Variants in SLC9A1 observed in about 807,000 individuals in gnomAD.
SLC9A1 encodes solute carrier family 9 member A1, also known as sodium/hydrogen exchanger 1.
SLC9A1 carries 22 observed loss-of-function variants against 67.9 expected under a neutral mutation model. The ratio of observed to expected loss-of-function variants is 0.32; its 90% CI spans 0.23 to 0.46. SLC9A1 has a LOEUF of 0.46. SLC9A1 is among the 20% of genes least tolerant of loss of function. The pLI is 1.00. For missense variants in SLC9A1, 686 were observed against 1,094.8 expected, an observed-to-expected ratio of 0.63 and a Z score of 5.27; for synonymous variants, 421 against 471.8, an observed-to-expected ratio of 0.89 and a Z score of 1.40.
chr1:27,110,443 G>T (rs2083220353), intron 2 of SLC9A1, among the ~76,000 whole-genome samples: 1 of 152,184 alleles, frequency 6.6e-6, no homozygotes, highest in African/African-American at 2.4e-5. Flanking sequence ...CACCCCAGGG[G>T]TTGCAATGAA....
At chr1:27,112,901 A>T (rs528396407) in intron 2 of SLC9A1, among the ~76,000 whole-genome samples, 10 of 151,640 alleles carry the variant, frequency 6.6e-5, no homozygotes, top group African/African-American at 2.2e-4. Context: ...AAAAAAAAAA[A>T]AAAAGGTGAG....
intron 6 of SLC9A1, 121 bp from the exon 7 acceptor site, chr1:27,102,864 T>G: frequency 2.2e-6 from 2 of 896,740 alleles, no homozygotes; most frequent in South Asian, 1.5e-5. Flanking sequence ...TGTGGTTCCA[T>G]GAGCAGCCAG....
In SLC9A1 at chr1:27,100,265, A is replaced by G. The variant is rs200497096; in HGVS notation, c.*42T>C. The G allele has an allele frequency of 3.8e-4, 549 of 1,428,426 alleles. 1 individual carries two copies. In the African/African-American group the frequency reaches 5.8e-3, roughly 15 times the overall value. 88.5% of individuals were successfully genotyped at this position (1,428,426 alleles called of 1,614,324 possible). ...CCCCCAGCAGCCCCTGCTCTGGTGG[A>G]AGAGTCTGTGAGGGGACAGGCGCTG... is the stretch of plus-strand genomic sequence containing the variant. On this transcript the variant is annotated 3_prime_UTR_variant, in exon 12 of 12. Coordinates refer to ENST00000263980, the MANE Select transcript of SLC9A1 (RefSeq NM_003047.5). The surrounding 1 kb of genome is among the most constrained non-coding windows in gnomAD (Gnocchi z 5.6).
At chr1:27,120,038 C>T (rs1167777579) in intron 1 of SLC9A1, among the ~76,000 whole-genome samples, 2 of 152,012 alleles carry the variant, frequency 1.3e-5, no homozygotes, top group Non-Finnish European at 2.9e-5. Context: ...CACCACTGCA[C>T]TCCAGCCTGG....
At chr1:27,103,701 C>G in intron 5 of SLC9A1, 1 of 248,544 alleles carries the variant, frequency 4.0e-6, no homozygotes, top group South Asian at 5.9e-5. Context: ...TGAGGAGGAC[C>G]GAGTAATAAC....
At chr1:27,140,702 C>T (rs1181325964) in intron 1 of SLC9A1, among the ~76,000 whole-genome samples, 1 of 152,160 alleles carries the variant, frequency 6.6e-6, no homozygotes, top group Non-Finnish European at 1.5e-5. Flanking sequence ...ATCTGTTCTG[C>T]AAAATTGAGT....
rs538158032 is a variant in SLC9A1 at position 27,098,826 on chromosome 1, T to C, written c.*1481A>G. ...CCCTTGACTCTATTAAAAACTCACATTGATTTATTAGAATATGAAAAAGAT... is the reference window on the plus strand; with the variant it reads ...CCCTTGACTCTATTAAAAACTCACACTGATTTATTAGAATATGAAAAAGAT... On this transcript the variant is annotated 3_prime_UTR_variant, in exon 12 of 12. Coordinates refer to ENST00000263980, the MANE Select transcript of SLC9A1 (RefSeq NM_003047.5). The C allele has an allele frequency of 1.9e-4, 29 of 152,540 alleles. No individual in the cohort carries two copies. Among genetic ancestry groups the C allele is most frequent in the South Asian group, 6.2e-4 (3 of 4,826 alleles). The allele number at this position is 152,540 out of a possible 1,614,324, so 9.4% of individuals were successfully genotyped here. A position where few individuals can be genotyped will look rare whatever the true frequency, so the allele number is the denominator to read the frequency against.
At chr1:27,107,141 C>A (rs1226182859) in intron 4 of SLC9A1, among the ~76,000 whole-genome samples, 22 of 143,598 alleles carry the variant, frequency 1.5e-4, no homozygotes, top group Non-Finnish European at 2.9e-4. Flanking sequence ...CACACACACA[C>A]CCACACCCTC....
chr1:27,145,329 G>A (rs1405617136), intron 1 of SLC9A1, among the ~76,000 whole-genome samples: 1 of 152,196 alleles, frequency 6.6e-6, no homozygotes, highest in Non-Finnish European at 1.5e-5. Flanking sequence ...TAAAGAGCAG[G>A]GCCTGGGTTT....
chr1:27,153,907 C>A, intron 1 of SLC9A1, 76 bp downstream of exon 1: 1 of 976,218 alleles, frequency 1.0e-6, no homozygotes, highest in South Asian at 1.6e-5. Context: ...TCCTGGACAG[C>A]CTCAAATGGT....
intron 5 of SLC9A1, chr1:27,104,077 T>C (rs1033177224): frequency 8.1e-6 from 1 of 123,014 alleles, no homozygotes; most frequent in Non-Finnish European, 1.6e-5. Context: ...CCTCCTCCTC[T>C]TTTTTTTTTT....
intron 2 of SLC9A1, among the ~76,000 whole-genome samples, chr1:27,111,238 G>T (rs548960946): frequency 6.6e-6 from 1 of 152,250 alleles, no homozygotes; most frequent in African/African-American, 2.4e-5. Context: ...GGATTCATGG[G>T]TCCTCATGGT....
chr1:27,130,029 G>A (rs906921184), intron 1 of SLC9A1, among the ~76,000 whole-genome samples: 3 of 152,208 alleles, frequency 2.0e-5, no homozygotes, highest in Non-Finnish European at 2.9e-5. Context: ...TTATTGCCAG[G>A]TCTGTCACTC....
intron 2 of SLC9A1, 81 bp downstream of exon 2, chr1:27,113,745 C>T (rs762191763): frequency 7.9e-5 from 81 of 1,027,252 alleles, no homozygotes; most frequent in Non-Finnish European, 1.1e-4. Context: ...CTGTTATTAG[C>T]GGGTGGATGA....
intron 1 of SLC9A1, among the ~76,000 whole-genome samples, chr1:27,140,166 T>C (rs1304768918): frequency 6.6e-6 from 1 of 151,048 alleles, no homozygotes; most frequent in African/African-American, 2.4e-5. Flanking sequence ...CCACCTCCAC[T>C]CCTCCCTCCC....
At chr1:27,119,208 C>T (rs1160136173) in intron 1 of SLC9A1, among the ~76,000 whole-genome samples, 1 of 152,180 alleles carries the variant, frequency 6.6e-6, no homozygotes, top group Admixed American at 6.5e-5. Flanking sequence ...TCTGTTGAGA[C>T]TGGCTCAGTG....
At chr1:27,141,224 T>A (rs1401439496) in intron 1 of SLC9A1, among the ~76,000 whole-genome samples, 2 of 152,130 alleles carry the variant, frequency 1.3e-5, no homozygotes, top group Non-Finnish European at 2.9e-5. Flanking sequence ...TAAAAAAAAT[T>A]TTTTTAAAAC....
Position 27,114,230 on chromosome 1 carries a change from C to G in SLC9A1, c.409G>C (p.Val137Leu). The G allele has an allele frequency of 6.2e-7, 1 of 1,613,992 alleles. No homozygotes were observed. Among genetic ancestry groups the G allele is most frequent in the Non-Finnish European group, 8.5e-7 (1 of 1,179,876 alleles). ...SIVPESCLLI[V>L]VGLLVGGLIK... ...AGGCCCCCCACCAGCAGCCCCACCA[C>G]GATCAGCAGGCAGCTCTCCGGGACG... Residue 137 changes from valine to leucine, a missense_variant, in exon 2 of 12, where the codon GTG (valine) becomes CTG (leucine). By Grantham distance (32) the Val-to-Leu change is conservative. This residue lies in a region of SLC9A1 where 29 missense variants were observed against 71.9 expected (regional missense o/e 0.40). Transcript: ENST00000263980. The surrounding 1 kb of genome is among the most constrained non-coding windows in gnomAD (Gnocchi z 5.4).
In SLC9A1 at chr1:27,101,875, T is replaced by G; in HGVS notation, c.1936-49A>C. The stretch of plus-strand genomic sequence containing the variant: ...CAGTGCGGGCCCCGGAAGGCTCTGC[T>G]CATGGAGGGGTGGGGGCAGTGCTGG... On this transcript the variant is annotated intron_variant, in intron 9 of 11. Coordinates refer to ENST00000263980, the MANE Select transcript of SLC9A1 (RefSeq NM_003047.5). This position sits in a 1 kb window ranked among gnomAD's most constrained non-coding sequence, Gnocchi z 4.9. 1.3e-6 allele frequency: 2 copies of G among 1,499,718 alleles called. No homozygotes were observed. The highest frequency in any genetic ancestry group is 1.9e-6 in the Non-Finnish European group (2 of 1,080,112). 92.9% of individuals were successfully genotyped at this position (1,499,718 alleles called of 1,614,324 possible). A position where few individuals can be genotyped will look rare whatever the true frequency, so the allele number is the denominator to read the frequency against.
Sources: gnomAD v4.1 joint callset for allele counts (sites outside exome capture counted in the v4.1 genomes callset) on GRCh38, gnomAD v4.1.1 for gene constraint, gnomAD v4.1.1 regional missense constraint, Gnocchi (gnomAD v3.1) non-coding constraint, MANE v1.5 for transcripts, NCBI Gene and HGNC (gene_info 2026-07-23, HGNC 2026-07-21) for gene names.